The following RBMS3 variants were observed in gnomAD, a reference collection of about 807,000 sequenced individuals.
RBMS3 encodes RNA binding motif single stranded interacting protein 3.
Under a neutral mutation model 66.8 loss-of-function variants are expected in RBMS3, and 27 were observed. That is an observed-to-expected ratio of 0.40 (90% CI 0.30 to 0.56). The LOEUF is 0.56. RBMS3 is among the 20% of genes least tolerant of loss of function. The probability of loss-of-function intolerance (pLI) is 0.40; values close to 1 mark genes in which losing one functional copy is unlikely to be tolerated. For synonymous variants in RBMS3, 188 were observed against 183.0 expected (o/e 1.03, Z -0.22); for missense variants, 513 against 549.5 (o/e 0.93, Z 0.66).
Position 29,897,180 on chromosome 3 carries a change from C to T in RBMS3, c.792-199C>T, listed in dbSNP as rs2060141509. On this transcript the variant is annotated intron_variant, in intron 8 of 14. Transcript: ENST00000383767. The stretch of plus-strand genomic sequence containing the variant: ...TTGTGCAGCTAATTTTATCAGATGA[C>T]TCCAAGTCATTTCATTCGGAGCTAC... Among the ~76,000 whole-genome samples, 3 of 151,518 alleles carry T rather than the reference C, an allele frequency of 2.0e-5. No individual in the cohort carries two copies. The South Asian group carries it at 6.2e-4, about 31-fold the overall frequency.
chr3:29,386,441 C>A (rs1317528060), intron 1 of RBMS3, among the ~76,000 whole-genome samples: 2 of 152,092 alleles, frequency 1.3e-5, no homozygotes, highest in Non-Finnish European at 2.9e-5. Context: ...ACCTCCCAAC[C>A]CTTCCATACT....
intron 2 of RBMS3, among the ~76,000 whole-genome samples, chr3:29,460,876 G>T (rs2042346965): frequency 6.6e-6 from 1 of 152,132 alleles, no homozygotes; most frequent in Admixed American, 6.5e-5. Flanking sequence ...ATTTAGGTTT[G>T]CTGACCTCAG....
chr3:29,558,020 T>A (rs76766875), intron 3 of RBMS3, among the ~76,000 whole-genome samples: 2,104 of 152,124 alleles, frequency 0.014, 32 homozygotes, highest in South Asian at 0.037. Flanking sequence ...CAGGATGAGA[T>A]GAAAAGAAGA....
intron 6 of RBMS3, among the ~76,000 whole-genome samples, chr3:29,777,267 A>G (rs1366016983): frequency 6.6e-6 from 1 of 151,884 alleles, no homozygotes; most frequent in East Asian, 1.9e-4. Context: ...GCCTCATTTA[A>G]CAACTGTTGT....
chr3:29,476,131 G>T (rs1028192817), intron 2 of RBMS3, among the ~76,000 whole-genome samples: 5 of 152,158 alleles, frequency 3.3e-5, no homozygotes, highest in Non-Finnish European at 5.9e-5. Context: ...AAGTGAACCA[G>T]AAGTCACTGA....
intron 1 of RBMS3, among the ~76,000 whole-genome samples, chr3:29,369,225 C>T (rs1226503067): frequency 6.6e-6 from 1 of 151,838 alleles, no homozygotes; most frequent in Non-Finnish European, 1.5e-5. Context: ...AGACTTAACA[C>T]CTGGGTGATG....
chr3:29,992,700 A>T (rs1698965730), intron 14 of RBMS3, among the ~76,000 whole-genome samples: 1 of 152,186 alleles, frequency 6.6e-6, no homozygotes, highest in South Asian at 2.1e-4. Context: ...TCTGTAGCCA[A>T]CAAGCCGAGT....
intron 1 of RBMS3, among the ~76,000 whole-genome samples, chr3:29,369,913 T>A (rs1467708533): frequency 3.9e-5 from 6 of 152,158 alleles, no homozygotes; most frequent in Non-Finnish European, 8.8e-5. Context: ...GAAACTTCAA[T>A]TCCAAACCTC....
chr3:29,877,925 A>T (rs532321616), intron 7 of RBMS3, among the ~76,000 whole-genome samples: 2 of 152,208 alleles, frequency 1.3e-5, no homozygotes, highest in Non-Finnish European at 2.9e-5. Context: ...TGGCCAAAAT[A>T]TTGGCTTAAT....
At position 29,988,137 on chromosome 3, in the gene RBMS3, C is replaced by T. The variant is rs369344351; in HGVS notation, c.1099-6C>T. The T allele has an allele frequency of 1.9e-5, 30 of 1,607,296 alleles. No homozygotes were observed. The highest frequency in any genetic ancestry group is 2.7e-5 in the African/African-American group (2 of 74,764). On this transcript the variant is annotated splice_polypyrimidine_tract_variant and splice_region_variant and intron_variant, in intron 12 of 14. Transcript: ENST00000383767. ...TTCACATGCATTTTTCTTTGATTCT[C>T]TCTAGTATATGACTGCTGCTGCTCC... is the stretch of plus-strand genomic sequence containing the variant.
In RBMS3 at chr3:29,421,991, A is replaced by G. The variant is rs1444236174; in HGVS notation, c.76-12752A>G. 3.3e-5 allele frequency among the ~76,000 whole-genome samples: 5 copies of G among 152,212 alleles called. 1 individual carries two copies. Among genetic ancestry groups the G allele is most frequent in the Non-Finnish European group, 1.5e-5 (1 of 68,028 alleles). On this transcript the variant is annotated intron_variant, in intron 1 of 14. Coordinates refer to ENST00000383767, the MANE Select transcript of RBMS3 (RefSeq NM_001003793.3). ...ATGCTTTAGGATTTATGTGATAATA[A>G]TAGCTAGCATATATAGAATGCTGTG...
chr3:29,768,831 G>A (rs1462871138), intron 6 of RBMS3, among the ~76,000 whole-genome samples: 1 of 151,840 alleles, frequency 6.6e-6, no homozygotes, highest in East Asian at 1.9e-4. Flanking sequence ...TCCTTTATTA[G>A]CATTTTCCCC....
intron 2 of RBMS3, among the ~76,000 whole-genome samples, chr3:29,443,324 T>G (rs1231838937): frequency 6.6e-6 from 1 of 152,158 alleles, no homozygotes; most frequent in Non-Finnish European, 1.5e-5. Flanking sequence ...ACTTATTGAT[T>G]GTCATCTGTG....
At chr3:29,980,672 C>A (rs542738304) in intron 12 of RBMS3, among the ~76,000 whole-genome samples, 1 of 152,274 alleles carries the variant, frequency 6.6e-6, no homozygotes, top group Non-Finnish European at 1.5e-5. Context: ...TTTCCTAACA[C>A]CACTTATTAA....
chr3:29,366,503 C>A (rs1575627808), intron 1 of RBMS3, among the ~76,000 whole-genome samples: 1 of 152,250 alleles, frequency 6.6e-6, no homozygotes, highest in East Asian at 1.9e-4. Context: ...CACCTCAGCT[C>A]CTGAGTAGCT....
At chr3:29,654,873 C>G (rs924528788) in intron 4 of RBMS3, among the ~76,000 whole-genome samples, 1 of 151,428 alleles carries the variant, frequency 6.6e-6, no homozygotes, top group African/African-American at 2.4e-5. Context: ...GCTGGGATTA[C>G]AGGCATGAGG....
At chr3:29,960,995 T>C (rs1206225858) in intron 12 of RBMS3, among the ~76,000 whole-genome samples, 1 of 152,194 alleles carries the variant, frequency 6.6e-6, no homozygotes, top group East Asian at 1.9e-4. Flanking sequence ...GGCTCCTCAT[T>C]ACTTATGCAA....
chr3:29,869,467 A>T (rs1159942428), intron 7 of RBMS3, among the ~76,000 whole-genome samples: 1 of 151,998 alleles, frequency 6.6e-6, no homozygotes, highest in African/African-American at 2.4e-5. Context: ...TTATATATGT[A>T]TATACACACA....
chr3:29,427,206 T>C (rs777833116), intron 1 of RBMS3, among the ~76,000 whole-genome samples: 1 of 152,218 alleles, frequency 6.6e-6, no homozygotes, highest in African/African-American at 2.4e-5. Flanking sequence ...ACAAAAGACA[T>C]AATTGAAACA....
Sources: gnomAD v4.1 joint callset for allele counts (sites outside exome capture counted in the v4.1 genomes callset) on GRCh38, gnomAD v4.1.1 for gene constraint, MANE v1.5 for transcripts, NCBI Gene and HGNC (gene_info 2026-07-23, HGNC 2026-07-21) for gene names.